The following DCAF1 variants were observed in gnomAD, a reference collection of about 807,000 sequenced individuals.
DCAF1 encodes DDB1- and CUL4-associated factor 1.
Under a neutral mutation model 128.0 loss-of-function variants are expected in DCAF1, and 15 were observed. That is an observed-to-expected ratio of 0.12 (90% CI 0.08 to 0.18). The LOEUF is 0.18. DCAF1 is among the 10% of genes least tolerant of loss of function. The pLI, the probability that DCAF1 is intolerant of heterozygous loss-of-function variation, is 1.00. For synonymous variants in DCAF1, 610 were observed against 603.0 expected, an observed-to-expected ratio of 1.01 and a Z score of -0.17; for missense variants, 988 against 1,649.5, an observed-to-expected ratio of 0.60 and a Z score of 6.95.
At chr3:51,481,044 T>C (rs1482260451) in intron 3 of DCAF1, among the ~76,000 whole-genome samples, 1 of 152,168 alleles carries the variant, frequency 6.6e-6, no homozygotes, top group Non-Finnish European at 1.5e-5. Context: ...ATGGGTTTTC[T>C]AAGGAGAAGG....
At chr3:51,482,085 TGAG>T (rs1706271603) in intron 3 of DCAF1, among the ~76,000 whole-genome samples, 1 of 152,004 alleles carries the variant, frequency 6.6e-6, no homozygotes, top group Non-Finnish European at 1.5e-5. Context: ...TATGAATAAA[TGAG>T]GAGACACACA....
intron 24 of DCAF1, among the ~76,000 whole-genome samples, chr3:51,399,249 G>C (rs1046208525): frequency 6.6e-6 from 1 of 152,208 alleles, no homozygotes; most frequent in African/African-American, 2.4e-5. Context: ...GAGACCACTA[G>C]AAAGGCAGGC....
At chr3:51,466,762 A>G in intron 5 of DCAF1, 41 bp downstream of exon 5, 2 of 1,579,290 alleles carry the variant, frequency 1.3e-6, no homozygotes, top group Non-Finnish European at 1.7e-6. Flanking sequence ...TACAGCATCT[A>G]CAGATGATAA....
chr3:51,470,524 C>T (rs1704617527), intron 4 of DCAF1, among the ~76,000 whole-genome samples: 2 of 152,154 alleles, frequency 1.3e-5, no homozygotes, highest in African/African-American at 4.8e-5. Flanking sequence ...TATGATCATG[C>T]CACTGCACTG....
intron 3 of DCAF1, among the ~76,000 whole-genome samples, chr3:51,482,764 CAAAAAAAAAAAA>C (rs797042469): frequency 3.3e-5 from 1 of 29,992 alleles, no homozygotes; most frequent in African/African-American, 1.2e-4. Flanking sequence ...CACTCCATCT[CAAAAAAAAAAAA>C]AAAAAAAAAG....
chr3:51,426,126 T>C (rs181860782), intron 13 of DCAF1, among the ~76,000 whole-genome samples: 13 of 152,314 alleles, frequency 8.5e-5, no homozygotes, highest in African/African-American at 3.1e-4. Context: ...ATATGAGATA[T>C]TAGGCCAGAC....
Position 51,419,828 on chromosome 3 carries a change from T to C in DCAF1, c.3142A>G (p.Ile1048Val), listed in dbSNP as rs782672886. ...PEPKQRRQAP[I>V]NFTSRLNRRA... ...CGGTTTAGCCTTGACGTAAAGTTTATTGGCGCTTGCCGCCTCTGTTTTGGC... is the reference window on the plus strand; with the variant it reads ...CGGTTTAGCCTTGACGTAAAGTTTACTGGCGCTTGCCGCCTCTGTTTTGGC... The change falls in exon 15 of 25, where the codon ATA becomes GTA. Residue 1048 changes from isoleucine to valine, a missense_variant. Ile to Val is a conservative substitution (Grantham distance 29, BLOSUM62 3). This residue lies in a region of DCAF1 where 105 missense variants were observed against 266.7 expected (regional missense o/e 0.39). Transcript: ENST00000684031. 4.0e-5 allele frequency: 64 copies of C among 1,613,954 alleles called. No homozygotes were observed. Among genetic ancestry groups the C allele is most frequent in the African/African-American group, 6.7e-5 (5 of 74,946 alleles).
chr3:51,492,366 G>A (rs1296017503), intron 2 of DCAF1, among the ~76,000 whole-genome samples: 2 of 150,940 alleles, frequency 1.3e-5, no homozygotes, highest in Non-Finnish European at 3.0e-5. Context: ...ATACAAAAAA[G>A]AGCTGGGCAT....
intron 3 of DCAF1, among the ~76,000 whole-genome samples, chr3:51,471,851 A>G (rs1198481346): frequency 6.6e-6 from 1 of 151,892 alleles, no homozygotes; most frequent in African/African-American, 2.4e-5. Flanking sequence ...CCCGGGCAAC[A>G]AGAGTGAAAC....
chr3:51,468,188 C>T (rs538355143), intron 4 of DCAF1, among the ~76,000 whole-genome samples: 63 of 152,070 alleles, frequency 4.1e-4, no homozygotes, highest in Middle Eastern at 3.4e-3. Context: ...TTGTTGTGTT[C>T]TGAGATGGAG....
At chr3:51,425,769 G>A (rs190208333) in intron 13 of DCAF1, among the ~76,000 whole-genome samples, 1 of 151,712 alleles carries the variant, frequency 6.6e-6, no homozygotes, top group Admixed American at 6.6e-5. Context: ...TCACCATATT[G>A]CCCAGGCTGG....
At position 51,410,984 on chromosome 3, in the gene DCAF1, C is replaced by G. The variant is rs141788979; in HGVS notation, c.4212+1395G>C. ...ACCAGCCTGGCCAACATTGTGAAAC[C>G]CCATCTCTACTAAAAAAAATACAAA... is the stretch of plus-strand genomic sequence containing the variant. On this transcript the variant is annotated intron_variant, in intron 23 of 24. Coordinates refer to ENST00000684031, the MANE Select transcript of DCAF1 (RefSeq NM_001387579.1). Among the ~76,000 whole-genome samples, 1,428 of 152,064 alleles carry G rather than the reference C, an allele frequency of 9.4e-3. 28 individuals carry two copies. Among genetic ancestry groups the G allele is most frequent in the African/African-American group, 0.033 (1,351 of 41,454 alleles).
At chr3:51,487,175 T>C (rs1559575641) in intron 2 of DCAF1, among the ~76,000 whole-genome samples, 1 of 151,904 alleles carries the variant, frequency 6.6e-6, no homozygotes, top group Non-Finnish European at 1.5e-5. Flanking sequence ...TTTCACCATG[T>C]TGGCCAGTCT....
intron 5 of DCAF1, among the ~76,000 whole-genome samples, chr3:51,465,694 G>A (rs1415820778): frequency 1.3e-5 from 2 of 150,420 alleles, no homozygotes; most frequent in Admixed American, 6.6e-5. Flanking sequence ...GCAGTGAGCC[G>A]AGATCACACC....
chr3:51,418,589 G>A (rs1197562783), intron 16 of DCAF1, 89 bp downstream of exon 16: 6 of 1,503,620 alleles, frequency 4.0e-6, no homozygotes, highest in Non-Finnish European at 5.3e-6. Flanking sequence ...TTAAAAGAGA[G>A]AGCTCAATAA....
chr3:51,482,820 ATTT>A (rs1164005795), intron 3 of DCAF1, among the ~76,000 whole-genome samples: 2 of 150,588 alleles, frequency 1.3e-5, no homozygotes, highest in Non-Finnish European at 3.0e-5. Flanking sequence ...AATGAGTCTA[ATTT>A]TTTTTATTTT....
At chr3:51,479,079 C>T (rs1553651714) in intron 3 of DCAF1, among the ~76,000 whole-genome samples, 1 of 152,132 alleles carries the variant, frequency 6.6e-6, no homozygotes, top group African/African-American at 2.4e-5. Context: ...CCCATGAGCA[C>T]CCCTCCCCAG....
In DCAF1 at chr3:51,398,610, G is replaced by A; in HGVS notation, c.*159C>T. The stretch of plus-strand genomic sequence containing the variant: ...GTTATTGATTCTGGAAGGACCCTCG[G>A]GTGCCAATGAGGCTCTCTAAGCCAT... On this transcript the variant is annotated 3_prime_UTR_variant, in exon 25 of 25. Coordinates refer to ENST00000684031, the MANE Select transcript of DCAF1 (RefSeq NM_001387579.1). 2.2e-6 allele frequency: 2 copies of A among 907,874 alleles called. No homozygotes were observed. Among genetic ancestry groups the A allele is most frequent in the South Asian group, 3.5e-5 (2 of 57,496 alleles). The allele number at this position is 907,874 out of a possible 1,614,324, so 56.2% of individuals were successfully genotyped here.
chr3:51,471,297 C>A (rs1413722547), intron 3 of DCAF1, among the ~76,000 whole-genome samples: 1 of 151,524 alleles, frequency 6.6e-6, no homozygotes, highest in African/African-American at 2.4e-5. Flanking sequence ...CATTCTCCTG[C>A]CTCAGTATCC....
Sources: allele counts gnomAD v4.1 joint callset (sites outside exome capture counted in the v4.1 genomes callset), GRCh38; gene constraint gnomAD v4.1.1; regional missense constraint gnomAD v4.1.1; transcripts MANE v1.5; gene names NCBI Gene and HGNC (gene_info 2026-07-23, HGNC 2026-07-21).